IL4I1: variants seen among roughly 807,000 people sequenced by gnomAD.
The protein encoded by IL4I1 is interleukin 4 induced 1.
In IL4I1, 24 loss-of-function variants were observed where a neutral mutation model predicts 29.7. The observed-to-expected ratio is 0.81, with a 90% CI of 0.59 to 1.14. The LOEUF (loss-of-function observed/expected upper bound fraction) is 1.14. Ranked by LOEUF, IL4I1 falls within the 50% of genes most tolerant of loss-of-function variation. The pLI is 0.00. For missense variants in IL4I1, 686 were observed against 785.6 expected, an observed-to-expected ratio of 0.87 and a Z score of 1.52; for synonymous variants, 371 against 352.5, an observed-to-expected ratio of 1.05 and a Z score of -0.59.
At chr19:49,904,308 T>C (rs1385260239) in exon 3 of IL4I1, 1 of 152,232 alleles carries the variant, frequency 6.6e-6, no homozygotes, top group Non-Finnish European at 1.5e-5. Flanking sequence ...GAAGCACATC[T>C]GTGTATTTTC....
intron 2 of IL4I1, among the ~76,000 whole-genome samples, chr19:49,919,147 C>CG (rs1568716184): frequency 1.3e-5 from 2 of 152,080 alleles, no homozygotes; most frequent in South Asian, 4.1e-4. Context: ...GAGTGAAACT[C>CG]GGTCTCAAAA....
At chr19:49,914,434 G>A (rs902877295) in intron 2 of IL4I1, among the ~76,000 whole-genome samples, 1 of 152,188 alleles carries the variant, frequency 6.6e-6, no homozygotes, top group African/African-American at 2.4e-5. Flanking sequence ...CAGCTCCAGA[G>A]AAGCGCTGCC....
At chr19:49,891,695 C>G (rs1198897814) in intron 5 of IL4I1, among the ~76,000 whole-genome samples, 1 of 152,246 alleles carries the variant, frequency 6.6e-6, no homozygotes, top group African/African-American at 2.4e-5. Context: ...TTAACGCCGC[C>G]CATCCCCCCT....
Position 49,894,376 on chromosome 19 carries a change from C to A in IL4I1, c.459G>T (p.Lys153Asn), listed in dbSNP as rs140711265. The A allele has an allele frequency of 1.9e-6, 3 of 1,614,114 alleles. No individual in the cohort carries two copies. The African/African-American group carries it at 4.0e-5, about 22-fold the overall frequency. The change falls in exon 5 of 8, where the codon AAG (lysine) becomes AAT (asparagine). Residue 153 changes from lysine to asparagine, a missense_variant. Transcript: ENST00000391826. The stretch of plus-strand genomic sequence containing the variant: ...CCTTCTCCACCACATAGTTGCGCAG[C>A]TTCACTTCGTGCACCTCCGTCCACG... ...KNTWTEVHEV[K>N]LRNYVVEKVP...
intron 2 of IL4I1, among the ~76,000 whole-genome samples, chr19:49,920,388 TTC>T (rs1408133035): frequency 2.0e-5 from 3 of 152,206 alleles, no homozygotes; most frequent in African/African-American, 7.2e-5. Flanking sequence ...GCCTAGGAGT[TTC>T]TTTTTAGCGT....
At chr19:49,907,135 G>A (rs555667842) in intron 2 of IL4I1, 1 of 161,770 alleles carries the variant, frequency 6.2e-6, no homozygotes, top group Non-Finnish European at 1.4e-5. Flanking sequence ...GAACGACAGT[G>A]GGTCTCTGCC....
At chr19:49,895,351 G>A (rs1301994173) in intron 3 of IL4I1, among the ~76,000 whole-genome samples, 171 bp from the exon 4 acceptor site, 1 of 152,168 alleles carries the variant, frequency 6.6e-6, no homozygotes, top group African/African-American at 2.4e-5. Context: ...AACTGAGTGA[G>A]CAGTTCCAGA....
At chr19:49,905,789 G>C (rs2075314488) in intron 2 of IL4I1, among the ~76,000 whole-genome samples, 1 of 152,136 alleles carries the variant, frequency 6.6e-6, no homozygotes, top group African/African-American at 2.4e-5. Context: ...TTTTGGTAGA[G>C]ATGGGATTTC....
chr19:49,920,107 G>A (rs2075729519), intron 2 of IL4I1, among the ~76,000 whole-genome samples: 3 of 150,298 alleles, frequency 2.0e-5, no homozygotes, highest in Admixed American at 6.6e-5. Context: ...TTTTTGAGAC[G>A]GAGTCTCACT....
At chr19:49,894,153 C>A in intron 5 of IL4I1, 115 bp downstream of exon 5, 2 of 965,056 alleles carry the variant, frequency 2.1e-6, no homozygotes, top group Non-Finnish European at 3.2e-6. Flanking sequence ...CCAACAGGCG[C>A]CCCACCCCAT....
chr19:49,914,514 T>C (rs970962056), intron 2 of IL4I1, among the ~76,000 whole-genome samples: 1 of 152,034 alleles, frequency 6.6e-6, no homozygotes, highest in African/African-American at 2.4e-5. Context: ...GCCCCAACAT[T>C]TACCCTTGAG....
intron 3 of IL4I1, 103 bp from the exon 4 acceptor site, chr19:49,895,283 C>G (rs1166045366): frequency 2.3e-6 from 2 of 864,492 alleles, no homozygotes; most frequent in Non-Finnish European, 3.7e-6. Flanking sequence ...TCCATCCCCA[C>G]AGTGGCCCAG....
chr19:49,926,796 C>CT (rs1164652561), intron 2 of IL4I1, among the ~76,000 whole-genome samples: 1 of 151,878 alleles, frequency 6.6e-6, no homozygotes, highest in Non-Finnish European at 1.5e-5. Context: ...AGGCGTTAGT[C>CT]TAACTGCTCG....
At chr19:49,904,788 T>TA (rs1271846024) in intron 2 of IL4I1, among the ~76,000 whole-genome samples, 1 of 151,804 alleles carries the variant, frequency 6.6e-6, no homozygotes, top group Non-Finnish European at 1.5e-5. Context: ...CTGCTCACTG[T>TA]AAGCTCCGCC....
In IL4I1 at chr19:49,919,547, G is replaced by A. The variant is rs565439439; in HGVS notation, c.-228+8147C>T. ...TGCTACACAGGATGGCCTCAAGGCA[G>A]TAGCTAAATGATTTGTGGATTCACT... On this transcript the variant is annotated intron_variant, in intron 2 of 9. Transcript: ENST00000341114. Among the ~76,000 whole-genome samples, 173 of 152,316 alleles carry A rather than the reference G, an allele frequency of 1.1e-3. 2 individuals carry two copies. Among genetic ancestry groups the A allele is most frequent in the Non-Finnish European group, 2.2e-3 (149 of 68,026 alleles).
intron 2 of IL4I1, among the ~76,000 whole-genome samples, chr19:49,919,878 T>G (rs1014119307): frequency 2.0e-5 from 3 of 152,202 alleles, no homozygotes; most frequent in Non-Finnish European, 4.4e-5. Flanking sequence ...TAACTTTTAT[T>G]TCTTACTCTT....
intron 1 of IL4I1, chr19:49,929,127 G>A (rs1253618724): frequency 2.6e-5 from 4 of 151,904 alleles, no homozygotes; most frequent in Admixed American, 6.5e-5. Flanking sequence ...GCCGCGCGAG[G>A]GCGGGGCGCG....
chr19:49,922,772 G>A (rs914930592), intron 2 of IL4I1, among the ~76,000 whole-genome samples: 4 of 151,638 alleles, frequency 2.6e-5, no homozygotes, highest in Non-Finnish European at 4.4e-5. Context: ...CACCACCAGC[G>A]CTGCCAGTGT....
At chr19:49,903,841 T>G (rs1363396786) in intron 3 of IL4I1, among the ~76,000 whole-genome samples, 3 of 141,568 alleles carry the variant, frequency 2.1e-5, no homozygotes, top group South Asian at 2.4e-4. Context: ...TTTTTTTTTT[T>G]TTTTTTTTTT....
Sources: allele counts gnomAD v4.1 joint callset (sites outside exome capture counted in the v4.1 genomes callset), GRCh38; gene constraint gnomAD v4.1.1; transcripts MANE v1.5; gene names NCBI Gene and HGNC (gene_info 2026-07-23, HGNC 2026-07-21).